Variants in GRID2 observed in about 807,000 individuals in gnomAD.
GRID2 encodes glutamate ionotropic receptor delta type subunit 2.
A neutral mutation model predicts 114.8 loss-of-function variants in GRID2; 33 were observed. The observed-to-expected ratio is 0.29, with a 90% confidence interval of 0.22 to 0.38. The LOEUF is 0.38. Among genes scored for constraint, GRID2 ranks in the 10% least tolerant of loss-of-function variants. The pLI is 1.00. For synonymous variants in GRID2, 505 were observed against 449.9 expected, an observed-to-expected ratio of 1.12 and a Z score of -1.55; for missense variants, 1,184 against 1,257.7, an observed-to-expected ratio of 0.94 and a Z score of 0.89.
intron 14 of GRID2, among the ~76,000 whole-genome samples, chr4:93,747,125 C>T (rs541924048): frequency 3.3e-5 from 5 of 152,102 alleles, no homozygotes; most frequent in African/African-American, 1.2e-4. Flanking sequence ...CCTCTTATTC[C>T]ACCGAAACAC....
rs564513452 is a variant in GRID2 at position 93,312,540 on chromosome 4, G to A, written c.1245+74050G>A. The stretch of plus-strand genomic sequence containing the variant: ...CAATTGTTTGATTAATTGTAAATGC[G>A]GAAGTTGAGGGTAGGGAAGTAAAAT... On this transcript the variant is annotated intron_variant, in intron 8 of 15. Coordinates refer to ENST00000282020, the MANE Select transcript of GRID2 (RefSeq NM_001510.4). 4.4e-4 allele frequency among the ~76,000 whole-genome samples: 67 copies of A among 152,240 alleles called. 1 individual carries two copies. In the South Asian group the frequency reaches 8.9e-3, roughly 20 times the overall value.
At chr4:92,713,476 CATATATATATATATATATATATAT>C (rs10593127) in intron 2 of GRID2, among the ~76,000 whole-genome samples, 7 of 54,064 alleles carry the variant, frequency 1.3e-4, no homozygotes, top group African/African-American at 1.4e-4. Context: ...TATACATATA[CATATATATATATATATATATATAT>C]ATATATATAT....
At chr4:92,501,855 G>A (rs946489003) in intron 1 of GRID2, among the ~76,000 whole-genome samples, 3 of 152,074 alleles carry the variant, frequency 2.0e-5, no homozygotes, top group Admixed American at 6.6e-5. Flanking sequence ...AGATTGTGAC[G>A]AATATGACAA....
intron 2 of GRID2, among the ~76,000 whole-genome samples, chr4:92,768,423 TA>T (rs1473323594): frequency 1.3e-5 from 2 of 152,198 alleles, no homozygotes; most frequent in Non-Finnish European, 2.9e-5. Flanking sequence ...ACACCTCATT[TA>T]AAAAACAAGT....
chr4:93,127,554 T>C (rs1451186923), intron 4 of GRID2, among the ~76,000 whole-genome samples: 1 of 152,240 alleles, frequency 6.6e-6, no homozygotes, highest in Non-Finnish European at 1.5e-5. Flanking sequence ...GTATTTTACA[T>C]ATGTACACAT....
intron 2 of GRID2, among the ~76,000 whole-genome samples, chr4:92,765,968 GA>G (rs527912579): frequency 2.3e-3 from 356 of 152,240 alleles, no homozygotes; most frequent in African/African-American, 7.1e-3. Context: ...CACTTCTGTA[GA>G]GACTGACCTA....
chr4:93,072,002 GCA>G (rs1728851230), intron 2 of GRID2, among the ~76,000 whole-genome samples: 1 of 151,976 alleles, frequency 6.6e-6, no homozygotes, highest in African/African-American at 2.4e-5. Context: ...TCAAAAAAAA[GCA>G]CTGGAAAACA....
chr4:93,570,019 A>T (rs1234353944), intron 13 of GRID2, among the ~76,000 whole-genome samples: 1 of 152,192 alleles, frequency 6.6e-6, no homozygotes, highest in African/African-American at 2.4e-5. Context: ...AGAATATGTT[A>T]ATAAATTCTT....
chr4:93,246,730 G>C (rs1317069374), intron 8 of GRID2, among the ~76,000 whole-genome samples: 1 of 151,834 alleles, frequency 6.6e-6, no homozygotes, highest in Non-Finnish European at 1.5e-5. Context: ...CTTTTATTCT[G>C]ATGTGTCTTC....
intron 2 of GRID2, among the ~76,000 whole-genome samples, chr4:92,843,017 T>C (rs904377751): frequency 6.6e-6 from 1 of 152,078 alleles, no homozygotes; most frequent in African/African-American, 2.4e-5. Context: ...GGCTGGAGGA[T>C]CATTTGAGCC....
chr4:92,618,205 C>G (rs1579695583), intron 2 of GRID2, among the ~76,000 whole-genome samples: 1 of 151,732 alleles, frequency 6.6e-6, no homozygotes, highest in Non-Finnish European at 1.5e-5. Context: ...GGTGGAGGAT[C>G]TAGTTTTATT....
At chr4:93,320,074 T>C (rs1321706948) in intron 8 of GRID2, among the ~76,000 whole-genome samples, 2 of 152,044 alleles carry the variant, frequency 1.3e-5, no homozygotes. Flanking sequence ...TAAATAAACT[T>C]TGGCACTACA....
intron 13 of GRID2, among the ~76,000 whole-genome samples, chr4:93,519,470 A>G (rs910133195): frequency 1.3e-5 from 2 of 152,208 alleles, no homozygotes; most frequent in Admixed American, 6.6e-5. Context: ...GGCCTAGGAC[A>G]TAAACAGATA....
chr4:92,414,224 G>A (rs973814955), intron 1 of GRID2, among the ~76,000 whole-genome samples: 4 of 152,072 alleles, frequency 2.6e-5, no homozygotes, highest in African/African-American at 4.8e-5. Context: ...AAAGTTAAAA[G>A]CATCTTCTCT....
chr4:93,230,383 G>A (rs1218499122), intron 7 of GRID2, among the ~76,000 whole-genome samples: 1 of 152,002 alleles, frequency 6.6e-6, no homozygotes, highest in Non-Finnish European at 1.5e-5. Flanking sequence ...TATTGGCATA[G>A]ACTTAAAAAG....
At chr4:93,368,204 T>C (rs1762524682) in intron 8 of GRID2, among the ~76,000 whole-genome samples, 1 of 152,094 alleles carries the variant, frequency 6.6e-6, no homozygotes, top group Non-Finnish European at 1.5e-5. Flanking sequence ...AGTTAATTCT[T>C]ACCTAGAGGA....
intron 14 of GRID2, among the ~76,000 whole-genome samples, chr4:93,708,380 G>A (rs1452457278): frequency 4.6e-5 from 7 of 151,956 alleles, no homozygotes; most frequent in African/African-American, 1.7e-4. Flanking sequence ...GTATGCTCCA[G>A]TGTTAGGTAC....
At chr4:93,503,815 C>G (rs767472924) in intron 12 of GRID2, among the ~76,000 whole-genome samples, 7 of 151,968 alleles carry the variant, frequency 4.6e-5, no homozygotes, top group Non-Finnish European at 7.4e-5. Context: ...TCTTAATAAA[C>G]AAGGTGTGAG....
intron 2 of GRID2, among the ~76,000 whole-genome samples, chr4:92,731,234 T>TC (rs1736315498): frequency 6.6e-6 from 1 of 151,596 alleles, no homozygotes; most frequent in Non-Finnish European, 1.5e-5. Flanking sequence ...ATAAGTGATT[T>TC]TTTTTTTTCT....
Sources: gnomAD v4.1 joint callset for allele counts (sites outside exome capture counted in the v4.1 genomes callset) on GRCh38, gnomAD v4.1.1 for gene constraint, MANE v1.5 for transcripts, NCBI Gene and HGNC (gene_info 2026-07-23, HGNC 2026-07-21) for gene names.